GNAI3: variants seen among roughly 807,000 people sequenced by gnomAD.
GNAI3 encodes the protein guanine nucleotide-binding protein G(i) subunit alpha-3.
Under a neutral mutation model 41.8 loss-of-function variants are expected in GNAI3, and 12 were observed. The ratio of observed to expected loss-of-function variants is 0.29; its 90% confidence interval spans 0.18 to 0.47. The LOEUF (loss-of-function observed/expected upper bound fraction) is 0.47. Ranked by LOEUF, GNAI3 falls within the 20% of genes least tolerant of loss-of-function variation. The pLI is 1.00. For missense variants in GNAI3, 360 were observed against 429.6 expected (o/e 0.84, Z 1.43); for synonymous variants, 132 against 146.5 (o/e 0.90, Z 0.71).
intron 5 of GNAI3, among the ~76,000 whole-genome samples, chr1:109,585,432 C>T (rs560852102): frequency 3.3e-5 from 5 of 152,164 alleles, no homozygotes; most frequent in South Asian, 2.1e-4. Flanking sequence ...AAGTAAGACT[C>T]GGAGTTTGGA....
At chr1:109,556,289 C>G (rs1648149450) in intron 1 of GNAI3, among the ~76,000 whole-genome samples, 1 of 151,996 alleles carries the variant, frequency 6.6e-6, no homozygotes, top group South Asian at 2.1e-4. Flanking sequence ...ATGATTTGCC[C>G]ACCTCAGCCT....
At chr1:109,578,465 C>T (rs529759833) in intron 3 of GNAI3, among the ~76,000 whole-genome samples, 31 of 119,794 alleles carry the variant, frequency 2.6e-4, no homozygotes, top group Admixed American at 1.6e-3. Flanking sequence ...AGCGAAACTC[C>T]GTCTCAAAAA....
At chr1:109,575,820 G>A (rs565491028) in intron 3 of GNAI3, among the ~76,000 whole-genome samples, 1 of 151,978 alleles carries the variant, frequency 6.6e-6, no homozygotes, top group East Asian at 1.9e-4. Context: ...GTGAGCCACC[G>A]CTCCCGGCCC....
chr1:109,590,958 T>C (rs928871281), intron 7 of GNAI3, among the ~76,000 whole-genome samples: 4 of 152,212 alleles, frequency 2.6e-5, no homozygotes, highest in Non-Finnish European at 1.5e-5. Context: ...AAATAGCCTG[T>C]AGTTTATTGG....
chr1:109,552,579 T>C (rs1481216541), intron 1 of GNAI3, among the ~76,000 whole-genome samples: 2 of 152,192 alleles, frequency 1.3e-5, no homozygotes, highest in Non-Finnish European at 2.9e-5. Context: ...TACCCTACCA[T>C]GAATTTGGTA....
intron 1 of GNAI3, among the ~76,000 whole-genome samples, chr1:109,559,847 G>T (rs1428806224): frequency 6.6e-6 from 1 of 152,116 alleles, no homozygotes; most frequent in Non-Finnish European, 1.5e-5. Flanking sequence ...TGTAATTCAA[G>T]CTGTTTGAAC....
At chr1:109,569,305 A>G (rs1648533814) in intron 1 of GNAI3, among the ~76,000 whole-genome samples, 1 of 152,188 alleles carries the variant, frequency 6.6e-6, no homozygotes, top group Non-Finnish European at 1.5e-5. Flanking sequence ...TTTTGAAGCC[A>G]TAGCTGCTGT....
intron 1 of GNAI3, among the ~76,000 whole-genome samples, chr1:109,562,517 C>T (rs1648340329): frequency 1.3e-5 from 2 of 151,962 alleles, no homozygotes; most frequent in Non-Finnish European, 2.9e-5. Context: ...TTTGCCATTC[C>T]ACCACTAATT....
rs868486674 is a variant in GNAI3, at chr1:109,598,679, C to T, written c.*6357C>T. ...GTGAAGCAGGGTGAAAAGGTCTTTGCTTTGTTTTACATTTAAATCCAGCTG... is the reference window on the plus strand; with the variant it reads ...GTGAAGCAGGGTGAAAAGGTCTTTGTTTTGTTTTACATTTAAATCCAGCTG... On this transcript the variant is annotated 3_prime_UTR_variant, in exon 9 of 9. Transcript: ENST00000369851. 5 of 230,526 alleles carry T rather than the reference C, an allele frequency of 2.2e-5. No individual in the cohort carries two copies. The highest frequency in any genetic ancestry group is 4.6e-5 in the Non-Finnish European group (5 of 107,914). The allele number at this position is 230,526 out of a possible 1,614,324, so 14.3% of individuals were successfully genotyped here.
At chr1:109,578,907 A>G (rs990037587) in intron 3 of GNAI3, among the ~76,000 whole-genome samples, 2 of 152,118 alleles carry the variant, frequency 1.3e-5, no homozygotes, top group Admixed American at 6.6e-5. Flanking sequence ...ATTATTAGCA[A>G]TCTGGATGGA....
Position 109,548,715 on chromosome 1 carries a change from G to T in GNAI3, c.-6G>T, listed in dbSNP as rs1647893275. On this transcript the variant is annotated 5_prime_UTR_variant, in exon 1 of 9. Transcript: ENST00000369851. ...CCGGGCCCGTGTCCCCTCTCCCGCC[G>T]CCGCCATGGGCTGCACGTTGAGCGC... 6.2e-7 allele frequency: 1 copy of T among 1,606,414 alleles called. No individual in the cohort carries two copies.
rs1047549274 is a variant in GNAI3 at position 109,595,610 on chromosome 1, T to C, written c.*3288T>C. 1 of 152,188 alleles carries C rather than the reference T, an allele frequency of 6.6e-6. No homozygotes were observed. Among genetic ancestry groups the C allele is most frequent in the Non-Finnish European group, 1.5e-5 (1 of 68,034 alleles). 9.4% of individuals were successfully genotyped at this position (152,188 alleles called of 1,614,324 possible). On this transcript the variant is annotated 3_prime_UTR_variant, in exon 9 of 9. Coordinates refer to ENST00000369851, the MANE Select transcript of GNAI3 (RefSeq NM_006496.4). ...TTCACCCTATATTCTTATATTCTGC[T>C]CATTATTCTCTCATTTATAGCTGTG...
At chr1:109,552,898 G>A (rs1648028258) in intron 1 of GNAI3, among the ~76,000 whole-genome samples, 1 of 152,076 alleles carries the variant, frequency 6.6e-6, no homozygotes, top group Non-Finnish European at 1.5e-5. Context: ...CTGAATTTAA[G>A]TTCTACCTCC....
chr1:109,591,024 A>G lies in GNAI3; in HGVS notation c.875-1019A>G, dbSNP rs531189365. On this transcript the variant is annotated intron_variant, in intron 7 of 8. Coordinates refer to ENST00000369851, the MANE Select transcript of GNAI3 (RefSeq NM_006496.4). ...GGCTTTATAGCCAGTTTCTAAGGCT[A>G]CTCTAAAGGTTCTATAAGTAGACAA... 9.1e-4 allele frequency among the ~76,000 whole-genome samples: 139 copies of G among 152,300 alleles called. 1 individual carries two copies. The highest frequency in any genetic ancestry group is 3.0e-3 in the African/African-American group (125 of 41,558).
chr1:109,551,385 A>G (rs1647979530), intron 1 of GNAI3, among the ~76,000 whole-genome samples: 1 of 152,184 alleles, frequency 6.6e-6, no homozygotes, highest in East Asian at 1.9e-4. Flanking sequence ...TGTAGATGCA[A>G]GTCATTTTTA....
At chr1:109,583,897 GT>G (rs138631782) in intron 5 of GNAI3, among the ~76,000 whole-genome samples, 18,906 of 152,080 alleles carry the variant, frequency 0.12, 1,447 homozygotes, top group African/African-American at 0.22. Flanking sequence ...AGCAACATTA[GT>G]AATTCTAAAA....
intron 3 of GNAI3, among the ~76,000 whole-genome samples, chr1:109,576,707 G>A (rs1424904405): frequency 3.3e-5 from 5 of 151,844 alleles, no homozygotes; most frequent in African/African-American, 1.2e-4. Context: ...TTTTAGTAGA[G>A]ACGGGGGTTT....
At chr1:109,565,250 CAA>C (rs527332111) in intron 1 of GNAI3, among the ~76,000 whole-genome samples, 19 of 81,168 alleles carry the variant, frequency 2.3e-4, no homozygotes, top group Admixed American at 4.3e-4. Flanking sequence ...GACTCCGTCT[CAA>C]AAAAAAAAAA....
chr1:109,562,316 T>C (rs1648332104), intron 1 of GNAI3, among the ~76,000 whole-genome samples: 1 of 152,148 alleles, frequency 6.6e-6, no homozygotes, highest in Non-Finnish European at 1.5e-5. Context: ...CAGCAGAATG[T>C]GTGTAGGTTA....
Sources: allele counts gnomAD v4.1 joint callset (sites outside exome capture counted in the v4.1 genomes callset), GRCh38; gene constraint gnomAD v4.1.1; transcripts MANE v1.5; gene names NCBI Gene and HGNC (gene_info 2026-07-23, HGNC 2026-07-21).